The following NRCAM variants were observed in gnomAD, a reference collection of about 807,000 sequenced individuals.
NRCAM encodes the protein NgCAM-related cell adhesion molecule.
In NRCAM, 83 loss-of-function variants were observed where a neutral mutation model predicts 156.5. The ratio of observed to expected loss-of-function variants is 0.53; its 90% CI spans 0.44 to 0.64. The LOEUF (loss-of-function observed/expected upper bound fraction) is 0.64, where lower values mean the gene tolerates loss of function less well. Ranked by LOEUF, NRCAM falls within the 30% of genes least tolerant of loss-of-function variation. The pLI, the probability that NRCAM is intolerant of heterozygous loss-of-function variation, is 0.00. For missense variants in NRCAM, 1,417 were observed against 1,597.3 expected (o/e 0.89, Z 1.92); for synonymous variants, 538 against 563.9 (o/e 0.95, Z 0.65).
At chr7:108,321,498 T>A (rs2099000818) in intron 2 of NRCAM, among the ~76,000 whole-genome samples, 1 of 152,096 alleles carries the variant, frequency 6.6e-6, no homozygotes, top group Admixed American at 6.6e-5. Context: ...TTATGAGAGA[T>A]CCACCCCCAT....
At position 108,209,481 on chromosome 7, in the gene NRCAM, G is replaced by A. The variant is rs1165314895; in HGVS notation, c.1015C>T (p.Gln339Ter). ...CCTAATGCGTTTTTTGCTATACATT[G>A]GTAATTTCCAGAGTCTGCTTCTGAA... ...HVSEADSGNY[Q>*]CIAKNALGAI... Residue 339 changes from glutamine to a stop codon, truncating the protein, a stop_gained, in exon 12 of 33, where the codon CAA (glutamine) becomes TAA (stop). Transcript: ENST00000379028. LOFTEE classifies it high-confidence loss of function. The A allele has an allele frequency of 1.9e-6, 3 of 1,610,922 alleles. No homozygotes were observed. Among genetic ancestry groups the A allele is most frequent in the African/African-American group, 1.3e-5 (1 of 74,762 alleles).
At chr7:108,314,911 CT>C (rs1434939850) in intron 2 of NRCAM, among the ~76,000 whole-genome samples, 1 of 152,096 alleles carries the variant, frequency 6.6e-6, no homozygotes. Context: ...GATGTTTACT[CT>C]TTGATTCTTG....
At chr7:108,223,392 T>C (rs555204251) in intron 11 of NRCAM, among the ~76,000 whole-genome samples, 1 of 152,330 alleles carries the variant, frequency 6.6e-6, no homozygotes, top group East Asian at 1.9e-4. Flanking sequence ...TATACTCTAA[T>C]TATAATCATA....
At chr7:108,310,309 T>C (rs573940036) in intron 3 of NRCAM, among the ~76,000 whole-genome samples, 3 of 152,314 alleles carry the variant, frequency 2.0e-5, no homozygotes, top group African/African-American at 4.8e-5. Context: ...CTCACTCTGG[T>C]TGATTATCAA....
chr7:108,322,884 C>T (rs187085182), intron 2 of NRCAM, among the ~76,000 whole-genome samples: 4 of 152,244 alleles, frequency 2.6e-5, no homozygotes, highest in Non-Finnish European at 4.4e-5. Context: ...ACCATTATTA[C>T]AAATAAAGCA....
chr7:108,208,747 A>G (rs542341463), intron 12 of NRCAM, among the ~76,000 whole-genome samples: 19 of 152,270 alleles, frequency 1.2e-4, no homozygotes, highest in African/African-American at 4.6e-4. Flanking sequence ...TTTTCTCATG[A>G]TTACCCTGAG....
In NRCAM at chr7:108,395,060, G is replaced by A. The variant is rs532908564; in HGVS notation, c.-174+4376C>T. On this transcript the variant is annotated intron_variant, in intron 2 of 32. Coordinates refer to ENST00000379028, the MANE Select transcript of NRCAM (RefSeq NM_001037132.4). ...AGAAAGTCAACAACTGGCAAGAATG[G>A]TTTTATTAGGGCATGAATTAGAAAT... 3.0e-4 allele frequency among the ~76,000 whole-genome samples: 46 copies of A among 152,226 alleles called. No homozygotes were observed. In the South Asian group the frequency reaches 9.1e-3, roughly 30 times the overall value.
intron 2 of NRCAM, among the ~76,000 whole-genome samples, chr7:108,392,407 T>C (rs190741600): frequency 3.9e-5 from 6 of 152,338 alleles, no homozygotes; most frequent in Non-Finnish European, 7.3e-5. Flanking sequence ...TCTCGTGCCA[T>C]GGTTTTCAGC....
chr7:108,227,361 G>A (rs904533351), intron 8 of NRCAM, among the ~76,000 whole-genome samples: 1 of 152,110 alleles, frequency 6.6e-6, no homozygotes, highest in African/African-American at 2.4e-5. Flanking sequence ...CATATTTGTG[G>A]GGTACAATGT....
chr7:108,313,138 C>T (rs1006047284), intron 2 of NRCAM: 1 of 151,828 alleles, frequency 6.6e-6, no homozygotes, highest in African/African-American at 2.4e-5. Flanking sequence ...TTGAAAGGCC[C>T]CAGGTTTTCA....
intron 2 of NRCAM, among the ~76,000 whole-genome samples, chr7:108,361,582 C>T (rs1372000387): frequency 6.6e-6 from 1 of 152,116 alleles, no homozygotes; most frequent in East Asian, 1.9e-4. Flanking sequence ...ATTGGCTCTT[C>T]CTGGGTCTCT....
chr7:108,174,444 G>A (rs755814917), intron 28 of NRCAM, among the ~76,000 whole-genome samples: 8 of 152,190 alleles, frequency 5.3e-5, no homozygotes, highest in South Asian at 2.1e-4. Context: ...CCTGATGTGC[G>A]AAAGCCCCTG....
At chr7:108,339,302 C>A (rs2099247091) in intron 2 of NRCAM, among the ~76,000 whole-genome samples, 2 of 152,192 alleles carry the variant, frequency 1.3e-5, no homozygotes, top group Admixed American at 1.3e-4. Flanking sequence ...CTTGTGGAAG[C>A]AGAGTTAGAA....
At chr7:108,250,262 A>C (rs187885178) in intron 3 of NRCAM, among the ~76,000 whole-genome samples, 29 of 152,080 alleles carry the variant, frequency 1.9e-4, no homozygotes, top group African/African-American at 5.8e-4. Context: ...CCACACACAC[A>C]AAAAATACAC....
In NRCAM at chr7:108,389,950, C is replaced by T. The variant is rs1044893722; in HGVS notation, c.-174+9486G>A. 1.9e-4 allele frequency among the ~76,000 whole-genome samples: 29 copies of T among 152,100 alleles called. 1 individual carries two copies. Among genetic ancestry groups the T allele is most frequent in the Admixed American group, 4.6e-4 (7 of 15,262 alleles). ...AAGCTTTTTGATGTGCTGCTGGATT[C>T]GGTTTGCCAGTATTTTATTGAGGAT... On this transcript the variant is annotated intron_variant, in intron 2 of 32. Coordinates refer to ENST00000379028, the MANE Select transcript of NRCAM (RefSeq NM_001037132.4).
At chr7:108,436,859 G>A (rs1832844971) in intron 1 of NRCAM, among the ~76,000 whole-genome samples, 1 of 152,110 alleles carries the variant, frequency 6.6e-6, no homozygotes, top group Non-Finnish European at 1.5e-5. Flanking sequence ...CAGTTTGGAG[G>A]TTCCTCACAA....
At chr7:108,163,522 G>A (rs1011706821) in intron 30 of NRCAM, among the ~76,000 whole-genome samples, 9 of 152,232 alleles carry the variant, frequency 5.9e-5, no homozygotes, top group Admixed American at 2.0e-4. Flanking sequence ...TGTTTAGGAA[G>A]AGCAAAATGT....
intron 3 of NRCAM, among the ~76,000 whole-genome samples, chr7:108,257,749 A>G (rs139684462): frequency 2.0e-3 from 309 of 152,308 alleles, no homozygotes; most frequent in African/African-American, 7.1e-3. Flanking sequence ...AATGATTTTT[A>G]TGATATATTA....
At chr7:108,367,981 C>T (rs1329486809) in intron 2 of NRCAM, among the ~76,000 whole-genome samples, 6 of 152,132 alleles carry the variant, frequency 3.9e-5, no homozygotes, top group African/African-American at 7.2e-5. Flanking sequence ...GGAAGTAGTT[C>T]GAATCGTCTC....
Sources: gnomAD v4.1 joint callset for allele counts (sites outside exome capture counted in the v4.1 genomes callset) on GRCh38, gnomAD v4.1.1 for gene constraint, MANE v1.5 for transcripts, NCBI Gene and HGNC (gene_info 2026-07-23, HGNC 2026-07-21) for gene names.